CFTR: variants seen among roughly 807,000 people sequenced by gnomAD.
CFTR encodes cystic fibrosis transmembrane conductance regulator.
A neutral mutation model predicts 171.6 loss-of-function variants in CFTR; 181 were observed. The observed-to-expected ratio is 1.05, with a 90% CI of 0.93 to 1.19. The LOEUF (loss-of-function observed/expected upper bound fraction) is 1.19, where lower values mean the gene tolerates loss of function less well. CFTR is among the 50% of genes most tolerant of loss of function. The pLI is 0.00. For missense variants in CFTR, 1,968 were observed against 1,734.7 expected (o/e 1.13, Z -2.39); for synonymous variants, 583 against 608.0 (o/e 0.96, Z 0.60).
intron 10 of CFTR, among the ~76,000 whole-genome samples, chr7:117,550,513 A>G (rs906104378): frequency 1.3e-5 from 2 of 152,116 alleles, no homozygotes; most frequent in Non-Finnish European, 2.9e-5. Context: ...GTATATTATT[A>G]CTAGCAGTGT....
intron 21 of CFTR, among the ~76,000 whole-genome samples, chr7:117,618,263 C>T (rs547836317): frequency 6.6e-6 from 1 of 152,156 alleles, no homozygotes; most frequent in East Asian, 1.9e-4. Context: ...CCGAGGCAGG[C>T]GAATTACTTG....
chr7:117,612,711 C>G (rs1053910639), intron 20 of CFTR, among the ~76,000 whole-genome samples: 1 of 152,088 alleles, frequency 6.6e-6, no homozygotes, highest in Non-Finnish European at 1.5e-5. Flanking sequence ...CATGGAACAC[C>G]GAGAAGGTGG....
chr7:117,626,033 G>A lies in CFTR; in HGVS notation c.3469-1489G>A, dbSNP rs565054567. 1.4e-4 allele frequency among the ~76,000 whole-genome samples: 22 copies of A among 152,136 alleles called. No individual in the cohort carries two copies. The South Asian group carries it at 2.9e-3, about 20-fold the overall frequency. ...TGGGCTTTGGGTCCTTTTCACATCCGTTAACAGTGGGCTTGACTTCAAAGG... is the reference window on the plus strand; with the variant it reads ...TGGGCTTTGGGTCCTTTTCACATCCATTAACAGTGGGCTTGACTTCAAAGG... On this transcript the variant is annotated intron_variant, in intron 21 of 26. Transcript: ENST00000003084.
At position 117,634,481 on chromosome 7, in the gene CFTR, T is replaced by C. The variant is rs373640852; in HGVS notation, c.3717+6711T>C. On this transcript the variant is annotated intron_variant, in intron 22 of 26. Coordinates refer to ENST00000003084, the MANE Select transcript of CFTR (RefSeq NM_000492.4). ...TGTTGATTTCGTGATTTCAATTTCATGATTTTTAAATTATGCTTACATTTG... is the reference window on the plus strand; with the variant it reads ...TGTTGATTTCGTGATTTCAATTTCACGATTTTTAAATTATGCTTACATTTG... Among the ~76,000 whole-genome samples, 3 of 152,220 alleles carry C rather than the reference T, an allele frequency of 2.0e-5. No individual in the cohort carries two copies. In the South Asian group the frequency reaches 6.2e-4, roughly 32 times the overall value.
Position 117,603,761 on chromosome 7 carries a change from A to G in CFTR, c.2887A>G (p.Thr963Ala), listed in dbSNP as rs1467971855. The G allele has an allele frequency of 1.2e-6, 2 of 1,613,970 alleles. No individual in the cohort carries two copies. The highest frequency in any genetic ancestry group is 1.7e-6 in the Non-Finnish European group (2 of 1,179,924). Reference sequence around the variant, plus strand: ...TTCTGTTCTTCAAGCACCTATGTCAACCCTCAACACGTTGAAAGCAGGTAC... The same window carrying G: ...TTCTGTTCTTCAAGCACCTATGTCAGCCCTCAACACGTTGAAAGCAGGTAC... ...LHSVLQAPMSTLNTLKAGGIL... is the reference protein window; with the variant it reads ...LHSVLQAPMSALNTLKAGGIL... The change falls in exon 17 of 27, where the codon ACC becomes GCC. Residue 963 changes from threonine (T) to alanine (A), a missense_variant. Transcript: ENST00000003084.
At chr7:117,540,458 C>A in intron 8 of CFTR, 112 bp downstream of exon 8, 2 of 998,060 alleles carry the variant, frequency 2.0e-6, no homozygotes, top group Non-Finnish European at 2.9e-6. Flanking sequence ...AAATTTCCTT[C>A]ACTAGGAAGT....
At position 117,553,175 on chromosome 7, in the gene CFTR, T is replaced by C. The variant is rs142136137; in HGVS notation, c.1392+4352T>C. 7.2e-4 allele frequency among the ~76,000 whole-genome samples: 109 copies of C among 152,174 alleles called. No homozygotes were observed. The Middle Eastern group carries it at 0.027, about 38-fold the overall frequency. On this transcript the variant is annotated intron_variant, in intron 10 of 26. Transcript: ENST00000003084. ...AACTGTGAGAAATAAATTCCTGTTG[T>C]TTATAAGCCACACAGTTCATGGTAT... is the stretch of plus-strand genomic sequence containing the variant.
chr7:117,542,327 A>G (rs551994874), intron 9 of CFTR, among the ~76,000 whole-genome samples: 1 of 152,280 alleles, frequency 6.6e-6, no homozygotes, highest in African/African-American at 2.4e-5. Flanking sequence ...CGGGTGGATC[A>G]CCTGAGGTCA....
At chr7:117,565,106 A>C (rs1488064886) in intron 11 of CFTR, among the ~76,000 whole-genome samples, 1 of 152,170 alleles carries the variant, frequency 6.6e-6, no homozygotes, top group Non-Finnish European at 1.5e-5. Context: ...TTAAAATACT[A>C]TTACGTATCC....
chr7:117,535,226 T>C, intron 5 of CFTR, 22 bp from the exon 6 acceptor site: 2 of 1,613,938 alleles, frequency 1.2e-6, no homozygotes, highest in African/African-American at 1.3e-5. Context: ...ACACCTGTTT[T>C]TGCTGTGCTT....
chr7:117,531,674 A>G (rs976481494), intron 4 of CFTR, among the ~76,000 whole-genome samples: 11 of 152,122 alleles, frequency 7.2e-5, no homozygotes, highest in African/African-American at 2.7e-4. Flanking sequence ...GCTTTTCTGC[A>G]TGTATTGTCC....
At position 117,535,257 on chromosome 7, in the gene CFTR, T is replaced by C. The variant is rs755619078; in HGVS notation, c.589T>C (p.Leu197=). The change falls in exon 6 of 27, where the codon TTG becomes CTG. Residue 197 remains leucine, a synonymous_variant. Coordinates refer to ENST00000003084, the MANE Select transcript of CFTR (RefSeq NM_000492.4). ...TGCTTTTATTTTCCAGGGACTTGCATTGGCACATTTCGTGTGGATCGCTCC... is the reference window on the plus strand; with the variant it reads ...TGCTTTTATTTTCCAGGGACTTGCACTGGCACATTTCGTGTGGATCGCTCC... The part of the protein sequence containing the change: ...NLNKFDEGLA[L]AHFVWIAPLQ... 3.7e-6 allele frequency: 6 copies of C among 1,614,002 alleles called. No homozygotes were observed. Among genetic ancestry groups the C allele is most frequent in the African/African-American group, 2.7e-5 (2 of 74,920 alleles).
At chr7:117,560,588 A>G (rs1799447905) in intron 11 of CFTR, 1 of 152,134 alleles carries the variant, frequency 6.6e-6, no homozygotes, top group Non-Finnish European at 1.5e-5. Flanking sequence ...AATTCTTATA[A>G]AAAGGGTTGC....
At chr7:117,624,279 C>T (rs377681139) in intron 21 of CFTR, among the ~76,000 whole-genome samples, 23 of 152,124 alleles carry the variant, frequency 1.5e-4, no homozygotes, top group Middle Eastern at 3.4e-3. Context: ...ATCTTTTGTC[C>T]GTGCTCACTG....
chr7:117,624,858 C>T lies in CFTR; in HGVS notation c.3469-2664C>T, dbSNP rs76084058. Among the ~76,000 whole-genome samples, 652 of 152,250 alleles carry T rather than the reference C, an allele frequency of 4.3e-3. 7 individuals are homozygous for T. The highest frequency in any genetic ancestry group is 0.014 in the Middle Eastern group (4 of 294). On this transcript the variant is annotated intron_variant, in intron 21 of 26. Coordinates refer to ENST00000003084, the MANE Select transcript of CFTR (RefSeq NM_000492.4). Reference sequence around the variant, plus strand: ...AAATTTTCAAATGATCCATATCTGACTTGAGTTTCAAAAGTCAGTTTTTGA... The same window carrying T: ...AAATTTTCAAATGATCCATATCTGATTTGAGTTTCAAAAGTCAGTTTTTGA...
At chr7:117,626,149 A>G (rs535981464) in intron 21 of CFTR, among the ~76,000 whole-genome samples, 1 of 152,212 alleles carries the variant, frequency 6.6e-6, no homozygotes, top group South Asian at 2.1e-4. Flanking sequence ...ACTAGAGTGA[A>G]AAAAGAACTT....
At chr7:117,493,123 G>T (rs1798187964) in intron 1 of CFTR, among the ~76,000 whole-genome samples, 1 of 151,998 alleles carries the variant, frequency 6.6e-6, no homozygotes, top group Non-Finnish European at 1.5e-5. Context: ...GGAAGCAAGA[G>T]ATTATAACAT....
In CFTR at chr7:117,603,644, G is replaced by T; in HGVS notation, c.2770G>T (p.Asp924Tyr). The change falls in exon 17 of 27, where the codon GAC becomes TAC. Residue 924 changes from aspartate to tyrosine, a missense_variant. Coordinates refer to ENST00000003084, the MANE Select transcript of CFTR (RefSeq NM_000492.4). Reference protein sequence around the residue: ...YVFYIYVGVADTLLAMGFFRG... With the variant: ...YVFYIYVGVAYTLLAMGFFRG... Reference sequence around the variant, plus strand: ...GTTTTACATTTACGTGGGAGTAGCCGACACTTTGCTTGCTATGGGATTCTT... The same window carrying T: ...GTTTTACATTTACGTGGGAGTAGCCTACACTTTGCTTGCTATGGGATTCTT... 1 of 1,614,034 alleles carries T rather than the reference G, an allele frequency of 6.2e-7. No individual in the cohort carries two copies. The highest frequency in any genetic ancestry group is 8.5e-7 in the Non-Finnish European group (1 of 1,179,942).
At chr7:117,655,887 G>A (rs1414477116) in intron 24 of CFTR, among the ~76,000 whole-genome samples, 1 of 152,126 alleles carries the variant, frequency 6.6e-6, no homozygotes, top group Admixed American at 6.5e-5. Flanking sequence ...TGGCAGAAGA[G>A]TGGGCAGGCT....
Sources: gnomAD v4.1 joint callset for allele counts (sites outside exome capture counted in the v4.1 genomes callset) on GRCh38, gnomAD v4.1.1 for gene constraint, MANE v1.5 for transcripts, NCBI Gene and HGNC (gene_info 2026-07-23, HGNC 2026-07-21) for gene names.